TPM2: variants seen among roughly 807,000 people sequenced by gnomAD.
The protein encoded by TPM2 is tropomyosin 2, also known as tropomyosin beta chain.
In TPM2, 26 loss-of-function variants were observed where a neutral mutation model predicts 41.0. That is an observed-to-expected ratio of 0.63 (90% CI 0.46 to 0.88). The LOEUF is 0.88. Ranked by LOEUF, TPM2 falls within the 40% of genes least tolerant of loss-of-function variation. The pLI, the probability that TPM2 is intolerant of heterozygous loss-of-function variation, is 0.00. For missense variants in TPM2, 187 were observed against 355.2 expected (o/e 0.53, Z 3.81); for synonymous variants, 143 against 139.3 (o/e 1.03, Z -0.19).
At chr9:35,682,679 C>CT, downstream of TPM2, 1 of 1,311,940 alleles carries the variant, frequency 7.6e-7, no homozygotes, top group South Asian at 1.2e-5. Flanking sequence ...GCTAAGTGCT[C>CT]TGAGGTCAGG....
At chr9:35,682,803 A>G, downstream of TPM2, 5 of 1,359,176 alleles carry the variant, frequency 3.7e-6, no homozygotes, top group Non-Finnish European at 4.9e-6. Context: ...AGCGTGGGCC[A>G]TGGTGTTTTG....
rs767660365 is a variant in TPM2, at chr9:35,683,245, G to GA, written c.773-5_773-4insT. ...ATCTTCTGGGCATAGACTTCATCTG[G>GA]GGGGGGTCCAGGGAGGGGACCAGGT... On this transcript the variant is annotated splice_polypyrimidine_tract_variant and splice_region_variant and intron_variant, in intron 8 of 8. Coordinates refer to ENST00000645482, the MANE Select transcript of TPM2 (RefSeq NM_003289.4). The GA allele has an allele frequency of 2.6e-6, 4 of 1,549,750 alleles. No homozygotes were observed. The highest frequency in any genetic ancestry group is 3.5e-6 in the Non-Finnish European group (4 of 1,146,788).
chr9:35,682,588 C>G, downstream of TPM2: 1 of 1,253,596 alleles, frequency 8.0e-7, no homozygotes, highest in East Asian at 5.5e-5. Context: ...CATTCCAGAC[C>G]TTTTGCAACC....
At position 35,685,158 on chromosome 9, in the gene TPM2, G is replaced by T; in HGVS notation, c.563+111C>A. ...GGCTCGGCTGGGGGCAGCGGGCAGG[G>T]GTCAGAGAACAGGGCCTGTCCCTAC... On this transcript the variant is annotated intron_variant, in intron 5 of 8. Coordinates refer to ENST00000645482, the MANE Select transcript of TPM2 (RefSeq NM_003289.4). This position sits in a 1 kb window ranked among gnomAD's most constrained non-coding sequence, Gnocchi z 5.0. 1 of 1,614,124 alleles carries T rather than the reference G, an allele frequency of 6.2e-7. No individual in the cohort carries two copies. Among genetic ancestry groups the T allele is most frequent in the Non-Finnish European group, 8.5e-7 (1 of 1,180,022 alleles).
At chr9:35,682,259 G>C (rs1480059090), downstream of TPM2, 13 of 1,299,660 alleles carry the variant, frequency 1.0e-5, no homozygotes, top group Admixed American at 2.3e-4. Context: ...ACATGGAGTG[G>C]GTCAAGGAAG....
chr9:35,683,252 T>TCCAGGGAGGGGA lies in TPM2; in HGVS notation c.773-23_773-12dup. The TCCAGGGAGGGGA allele has an allele frequency of 1.5e-6, 2 of 1,360,600 alleles. No homozygotes were observed. Among genetic ancestry groups the TCCAGGGAGGGGA allele is most frequent in the South Asian group, 2.5e-5 (2 of 81,160 alleles). The allele number at this position is 1,360,600 out of a possible 1,614,324, so 84.3% of individuals were successfully genotyped here. ...GGGCATAGACTTCATCTGGGGGGGG[T>TCCAGGGAGGGGA]CCAGGGAGGGGACCAGGTGGGAGTG... On this transcript the variant is annotated splice_polypyrimidine_tract_variant and intron_variant, in intron 8 of 8. Coordinates refer to ENST00000645482, the MANE Select transcript of TPM2 (RefSeq NM_003289.4).
intron 8 of TPM2, 135 bp downstream of exon 8, chr9:35,684,109 CCA>C: frequency 1.2e-6 from 1 of 819,480 alleles, no homozygotes; most frequent in South Asian, 1.4e-5. Flanking sequence ...TAGACATGGC[CCA>C]CAGAGTTGGG....
downstream of TPM2, chr9:35,682,611 T>C: frequency 1.5e-6 from 2 of 1,295,226 alleles, no homozygotes; most frequent in Non-Finnish European, 2.0e-6. Context: ...CTTGCCCCTG[T>C]CCTGCACCTC....
chr9:35,683,338 G>A, intron 8 of TPM2, 97 bp from the exon 9 acceptor site: 1 of 1,214,630 alleles, frequency 8.2e-7, no homozygotes, highest in Admixed American at 2.0e-5. Context: ...AAGAAAAACA[G>A]AATCAGAGGT....
intron 2 of TPM2, 52 bp downstream of exon 2, chr9:35,689,094 G>T (rs969135546): frequency 3.1e-6 from 5 of 1,609,884 alleles, no homozygotes; most frequent in South Asian, 2.2e-5. Flanking sequence ...TACCCGGGGG[G>T]CCCCTTCCCA....
downstream of TPM2, chr9:35,682,331 T>A: frequency 1.0e-6 from 1 of 961,266 alleles, no homozygotes; most frequent in Non-Finnish European, 1.6e-6. Context: ...CTGACTAGGA[T>A]GAGGGGAACA....
chr9:35,683,316 G>A (rs1824688089), intron 8 of TPM2, 75 bp from the exon 9 acceptor site: 3 of 1,385,348 alleles, frequency 2.2e-6, no homozygotes, highest in Non-Finnish European at 2.0e-6. Context: ...AGGAAGGAGA[G>A]AGAGCAATGG....
chr9:35,685,578 A>AG lies in TPM2; in HGVS notation c.375-28dup. The AG allele has an allele frequency of 6.2e-7, 1 of 1,614,134 alleles. No homozygotes were observed. Among genetic ancestry groups the AG allele is most frequent in the Non-Finnish European group, 8.5e-7 (1 of 1,180,004 alleles). Reference sequence around the variant, plus strand: ...TGAAAGGCAGGGAGAGGGTGAGCGTAGGGTCAGGACCAGCAGAGACAGGCT... The same window carrying AG: ...TGAAAGGCAGGGAGAGGGTGAGCGTAGGGGTCAGGACCAGCAGAGACAGGCT... On this transcript the variant is annotated intron_variant, in intron 3 of 8. Coordinates refer to ENST00000645482, the MANE Select transcript of TPM2 (RefSeq NM_003289.4). The surrounding 1 kb of genome is among the most constrained non-coding windows in gnomAD (Gnocchi z 5.0).
At position 35,685,241 on chromosome 9, in the gene TPM2, C is replaced by G. The variant is rs909755361; in HGVS notation, c.563+28G>C. The stretch of plus-strand genomic sequence containing the variant: ...TGTGGAAGGCCCCAGGGCCAATGGG[C>G]TCACTTGTCACCCCCGGGTATCTTT... On this transcript the variant is annotated intron_variant, in intron 5 of 8. Transcript: ENST00000645482. This position sits in a 1 kb window ranked among gnomAD's most constrained non-coding sequence, Gnocchi z 5.0. The G allele has an allele frequency of 3.1e-6, 5 of 1,614,196 alleles. No individual in the cohort carries two copies. The highest frequency in any genetic ancestry group is 1.6e-4 in the Middle Eastern group (1 of 6,062).
chr9:35,688,252 G>C (rs1474452707), intron 2 of TPM2, among the ~76,000 whole-genome samples: 4 of 152,182 alleles, frequency 2.6e-5, no homozygotes, highest in African/African-American at 9.7e-5. Flanking sequence ...ACCCCTGGGG[G>C]GCTGGGAACA....
At chr9:35,689,596 G>T in intron 1 of TPM2, 108 bp downstream of exon 1, 6 of 1,583,048 alleles carry the variant, frequency 3.8e-6, no homozygotes, top group Non-Finnish European at 5.1e-6. Context: ...CCCCACCCTG[G>T]GTGAGAGAGA....
In TPM2 at chr9:35,684,179, A is replaced by G. The variant is rs1352713621; in HGVS notation, c.772+67T>C. 2.0e-6 allele frequency: 3 copies of G among 1,530,342 alleles called. No individual in the cohort carries two copies. The African/African-American group carries it at 4.1e-5, about 21-fold the overall frequency. The allele number at this position is 1,530,342 out of a possible 1,614,324, so 94.8% of individuals were successfully genotyped here. A position where few individuals can be genotyped will look rare whatever the true frequency, so the allele number is the denominator to read the frequency against. ...GTTTATTGGTGGCAAATAAAATGGG[A>G]TGAGAAGGTACAGGACAGACTGATA... On this transcript the variant is annotated intron_variant, in intron 8 of 8. Transcript: ENST00000645482.
chr9:35,682,524 C>G (rs965578425), downstream of TPM2: 45 of 1,257,112 alleles, frequency 3.6e-5, no homozygotes, highest in Non-Finnish European at 4.5e-5. Context: ...GAAAACAGAC[C>G]TGCTGCTGCA....
chr9:35,686,485 A>C (rs1824917530), intron 2 of TPM2: 1 of 153,378 alleles, frequency 6.5e-6, no homozygotes, highest in Non-Finnish European at 1.4e-5. Context: ...ACCAGACATC[A>C]CTGCTGCTAA....
Sources: gnomAD v4.1 joint callset for allele counts (sites outside exome capture counted in the v4.1 genomes callset) on GRCh38, gnomAD v4.1.1 for gene constraint, Gnocchi (gnomAD v3.1) non-coding constraint, MANE v1.5 for transcripts, NCBI Gene and HGNC (gene_info 2026-07-23, HGNC 2026-07-21) for gene names.